AKAP9: variants seen among roughly 807,000 people sequenced by gnomAD.
The protein encoded by AKAP9 is A-kinase anchoring protein 9.
A neutral mutation model predicts 488.5 loss-of-function variants in AKAP9; 311 were observed. The observed-to-expected ratio is 0.64, with a 90% CI of 0.58 to 0.70. The LOEUF is 0.70. AKAP9 is among the 30% of genes least tolerant of loss of function. The pLI, the probability that AKAP9 is intolerant of heterozygous loss-of-function variation, is 0.00. For synonymous variants in AKAP9, 1,462 were observed against 1,483.5 expected (o/e 0.99, Z 0.33); for missense variants, 4,215 against 4,374.5 (o/e 0.96, Z 1.03).
At chr7:92,059,173 T>G (rs1809311352) in intron 22 of AKAP9, among the ~76,000 whole-genome samples, 1 of 151,992 alleles carries the variant, frequency 6.6e-6, no homozygotes, top group Non-Finnish European at 1.5e-5. Context: ...AGTGACAGAA[T>G]ATTAACTGAT....
intron 28 of AKAP9, 86 bp downstream of exon 28, chr7:92,071,095 G>T: frequency 7.5e-7 from 1 of 1,330,364 alleles, no homozygotes; most frequent in Non-Finnish European, 1.1e-6. Flanking sequence ...ACTGAATGTA[G>T]TTTATGATCT....
intron 30 of AKAP9, among the ~76,000 whole-genome samples, chr7:92,078,644 T>A (rs4080400): frequency 0.12 from 18,163 of 151,932 alleles, 1,239 homozygotes; most frequent in East Asian, 0.37. Flanking sequence ...CCTCCTAATA[T>A]TGTCATAGGA....
chr7:92,069,397 A>G (rs905118073), intron 26 of AKAP9, among the ~76,000 whole-genome samples: 2 of 152,210 alleles, frequency 1.3e-5, no homozygotes, highest in Non-Finnish European at 2.9e-5. Context: ...ATTACGTGAA[A>G]GCAATATTAC....
At position 92,085,705 on chromosome 7, in the gene AKAP9, G is replaced by A. The variant is rs762042970; in HGVS notation, c.9024+19G>A. 2 of 1,558,884 alleles carry A rather than the reference G, an allele frequency of 1.3e-6. No homozygotes were observed. The highest frequency in any genetic ancestry group is 1.8e-6 in the Non-Finnish European group (2 of 1,135,674). On this transcript the variant is annotated intron_variant, in intron 36 of 49. Coordinates refer to ENST00000356239, the MANE Select transcript of AKAP9 (RefSeq NM_005751.5). ...AGCCGAGGTAACCAAAGAATACTAT[G>A]CATTTAAATCATTTTATGTATTATT...
chr7:91,984,700 C>G (rs570404446), intron 3 of AKAP9, among the ~76,000 whole-genome samples: 2 of 151,700 alleles, frequency 1.3e-5, no homozygotes, highest in African/African-American at 4.8e-5. Context: ...GGATGGCATT[C>G]GATCTATAAA....
At chr7:92,051,797 AC>A (rs1339615459) in intron 21 of AKAP9, among the ~76,000 whole-genome samples, 2 of 152,208 alleles carry the variant, frequency 1.3e-5, no homozygotes, top group Non-Finnish European at 2.9e-5. Context: ...TTGTACAGTT[AC>A]TGATAACAAA....
intron 14 of AKAP9, among the ~76,000 whole-genome samples, chr7:92,024,453 A>T (rs145006224): frequency 0.013 from 1,887 of 148,824 alleles, 36 homozygotes; most frequent in African/African-American, 0.043. Context: ...ATATATATAT[A>T]TTATATATAT....
At chr7:91,982,577 T>C (rs887152674) in intron 3 of AKAP9, among the ~76,000 whole-genome samples, 1 of 152,186 alleles carries the variant, frequency 6.6e-6, no homozygotes, top group Non-Finnish European at 1.5e-5. Context: ...ACATTTTCTT[T>C]ATCCAGTCTA....
intron 12 of AKAP9, 69 bp from the exon 13 acceptor site, chr7:92,022,169 T>G: frequency 7.9e-7 from 1 of 1,260,654 alleles, no homozygotes; most frequent in Non-Finnish European, 1.2e-6. Context: ...GCAGAGTTGC[T>G]TTAATACAGC....
intron 1 of AKAP9, among the ~76,000 whole-genome samples, chr7:91,970,276 A>G (rs1279324938): frequency 1.3e-5 from 2 of 151,800 alleles, no homozygotes; most frequent in South Asian, 2.1e-4. Context: ...TATATTGCCT[A>G]TTTCTTGATA....
chr7:91,987,549 T>C (rs1448320930), intron 3 of AKAP9, among the ~76,000 whole-genome samples: 2 of 152,200 alleles, frequency 1.3e-5, no homozygotes, highest in South Asian at 2.1e-4. Context: ...TTTGAGAAAT[T>C]TATAGATTCA....
At position 92,092,135 on chromosome 7, in the gene AKAP9, A is replaced by G. The variant is rs1815739074; in HGVS notation, c.9359-962A>G. The stretch of plus-strand genomic sequence containing the variant: ...AATGTGCATGTGTACATAAGCTTGT[A>G]TTTTTCATAAAAAAGGAATCCTGAT... On this transcript the variant is annotated intron_variant, in intron 38 of 49. Transcript: ENST00000356239. The G allele has an allele frequency of 2.0e-5, 3 of 152,142 alleles. No individual in the cohort carries two copies. In the South Asian group the frequency reaches 6.2e-4, roughly 31 times the overall value. The allele number at this position is 152,142 out of a possible 1,614,324, so 9.4% of individuals were successfully genotyped here. A position where few individuals can be genotyped will look rare whatever the true frequency, so the allele number is the denominator to read the frequency against.
chr7:92,102,204 G>C (rs56075286), intron 45 of AKAP9, among the ~76,000 whole-genome samples: 2 of 139,218 alleles, frequency 1.4e-5, no homozygotes, highest in Admixed American at 1.4e-4. Context: ...TAAATAAATA[G>C]ATAGATTAGT....
intron 20 of AKAP9, among the ~76,000 whole-genome samples, chr7:92,043,794 A>T (rs1806521588): frequency 6.6e-6 from 1 of 152,204 alleles, no homozygotes; most frequent in Admixed American, 6.5e-5. Context: ...CTTAAAATAG[A>T]TATGTCATGT....
chr7:91,954,786 G>C (rs1584556532), intron 1 of AKAP9, among the ~76,000 whole-genome samples: 1 of 152,050 alleles, frequency 6.6e-6, no homozygotes, highest in Non-Finnish European at 1.5e-5. Context: ...TTTTTGTAAA[G>C]ATCCCCAGTG....
chr7:92,052,648 A>T, intron 21 of AKAP9, 78 bp from the exon 22 acceptor site: 2 of 972,874 alleles, frequency 2.1e-6, no homozygotes, highest in Non-Finnish European at 3.1e-6. Flanking sequence ...TTTCCAGTTT[A>T]GTTTGATGTT....
At position 92,079,346 on chromosome 7, in the gene AKAP9, G is replaced by A. The variant is rs61746591; in HGVS notation, c.7213G>A (p.Ala2405Thr). 23 of 1,613,858 alleles carry A rather than the reference G, an allele frequency of 1.4e-5. No homozygotes were observed. The highest frequency in any genetic ancestry group is 3.3e-5 in the Admixed American group (2 of 59,998). ...GGCCTTGGAACAGCAAGTAGAAACC[G>A]CTAATGAAGAAATGACCTTCATGAA... ...KLALEQQVETANEEMTFMKNV... is the reference protein window; with the variant it reads ...KLALEQQVETTNEEMTFMKNV... Residue 2405 changes from alanine (A) to threonine (T), a missense_variant, in exon 31 of 50, where the codon GCT (alanine) becomes ACT (threonine). Ala to Thr is a moderately conservative substitution (Grantham distance 58). Coordinates refer to ENST00000356239, the MANE Select transcript of AKAP9 (RefSeq NM_005751.5).
At chr7:92,049,896 G>A (rs1807641732) in intron 21 of AKAP9, among the ~76,000 whole-genome samples, 1 of 151,954 alleles carries the variant, frequency 6.6e-6, no homozygotes, top group Non-Finnish European at 1.5e-5. Flanking sequence ...TCTTTATTTT[G>A]TGCTTGAGAT....
chr7:92,103,694 C>CAA (rs777641709), intron 46 of AKAP9, among the ~76,000 whole-genome samples: 5 of 94,870 alleles, frequency 5.3e-5, no homozygotes. Context: ...GACTCTGTCT[C>CAA]AAAAAAAAAA....
Sources: gnomAD v4.1 joint callset for allele counts (sites outside exome capture counted in the v4.1 genomes callset) on GRCh38, gnomAD v4.1.1 for gene constraint, MANE v1.5 for transcripts, NCBI Gene and HGNC (gene_info 2026-07-23, HGNC 2026-07-21) for gene names.